Variants in CUX1 observed in about 807,000 individuals in gnomAD.
The protein encoded by CUX1 is protein CASP.
In CUX1, 31 loss-of-function variants were observed where a neutral mutation model predicts 158.8. That is an observed-to-expected ratio of 0.20 (90% confidence interval 0.15 to 0.26). The LOEUF is 0.26. Ranked by LOEUF, CUX1 falls within the 10% of genes least tolerant of loss-of-function variation. CUX1 has a pLI of 1.00. For missense variants in CUX1, 1,589 were observed against 2,014.6 expected, an observed-to-expected ratio of 0.79 and a Z score of 4.04; for synonymous variants, 879 against 862.1, an observed-to-expected ratio of 1.02 and a Z score of -0.34.
chr7:102,186,587 AT>A (rs1793642369), intron 11 of CUX1, among the ~76,000 whole-genome samples: 1 of 122,230 alleles, frequency 8.2e-6, no homozygotes, highest in Admixed American at 8.0e-5. Context: ...GTATATATAT[AT>A]ATATATATTT....
intron 2 of CUX1, among the ~76,000 whole-genome samples, chr7:101,924,762 T>TG (rs1283229254): frequency 1.3e-5 from 2 of 150,650 alleles, no homozygotes; most frequent in African/African-American, 4.9e-5. Flanking sequence ...TTTGTAGAGA[T>TG]GGGGGTCTCA....
At chr7:102,280,229 T>C in intron 19 of CUX1, 1 of 695,928 alleles carries the variant, frequency 1.4e-6, no homozygotes, top group Non-Finnish European at 2.5e-6. Flanking sequence ...CTTCCCTGGC[T>C]CCCCTCCACC....
At chr7:101,854,976 C>T (rs1214245310) in intron 1 of CUX1, among the ~76,000 whole-genome samples, 1 of 152,212 alleles carries the variant, frequency 6.6e-6, no homozygotes, top group Admixed American at 6.5e-5. Context: ...CTCAAGTGAT[C>T]CTCCCACCTC....
At chr7:101,820,811 T>G (rs1792383907) in intron 1 of CUX1, among the ~76,000 whole-genome samples, 1 of 152,188 alleles carries the variant, frequency 6.6e-6, no homozygotes, top group South Asian at 2.1e-4. Context: ...ACTCAAGCAA[T>G]TCTGGTATCT....
At chr7:102,220,012 A>G (rs1420104511) in intron 20 of CUX1, among the ~76,000 whole-genome samples, 17 of 152,192 alleles carry the variant, frequency 1.1e-4, no homozygotes, top group Admixed American at 1.1e-3. Flanking sequence ...TGGTCATGCA[A>G]GGGTGTCTCA....
downstream of CUX1, among the ~76,000 whole-genome samples, chr7:102,259,777 G>A (rs1554543252): frequency 6.7e-6 from 1 of 149,932 alleles, no homozygotes; most frequent in Non-Finnish European, 1.5e-5. Flanking sequence ...GAGAAAGGAA[G>A]GAAGGAAAGG....
At chr7:102,078,996 A>G (rs189803727) in intron 4 of CUX1, among the ~76,000 whole-genome samples, 1 of 152,344 alleles carries the variant, frequency 6.6e-6, no homozygotes, top group Non-Finnish European at 1.5e-5. Context: ...CTCCAGGAGA[A>G]TAAAATAGCA....
intron 3 of CUX1, among the ~76,000 whole-genome samples, chr7:102,054,143 G>T (rs529347287): frequency 6.6e-6 from 1 of 152,044 alleles, no homozygotes; most frequent in Non-Finnish European, 1.5e-5. Context: ...CTTTAGAAGC[G>T]CAGAAGTTTT....
At chr7:101,822,708 C>G (rs1190557013) in intron 1 of CUX1, among the ~76,000 whole-genome samples, 1 of 152,150 alleles carries the variant, frequency 6.6e-6, no homozygotes, top group Non-Finnish European at 1.5e-5. Flanking sequence ...CGAGACCAGC[C>G]TGGCCAACAT....
chr7:102,204,470 G>A lies in CUX1; in HGVS notation c.2987G>A (p.Arg996Gln), dbSNP rs1554520537. 2 of 1,613,842 alleles carry A rather than the reference G, an allele frequency of 1.2e-6. No individual in the cohort carries two copies. The highest frequency in any genetic ancestry group is 1.7e-6 in the Non-Finnish European group (2 of 1,180,032). Residue 996 changes from arginine (R) to glutamine (Q), a missense_variant, in exon 19 of 24, where the codon CGA becomes CAA. This residue lies in a region of CUX1 where 29 missense variants were observed against 66.6 expected (regional missense o/e 0.44). Coordinates refer to ENST00000292535, the MANE Select transcript of CUX1 (RefSeq NM_181552.4). ...TGGAGCAAGCTGACGCAGAAAGGCCGAGAACCCTTCATCCGGATGCAGCTC... is the reference window on the plus strand; with the variant it reads ...TGGAGCAAGCTGACGCAGAAAGGCCAAGAACCCTTCATCCGGATGCAGCTC... ...KPWSKLTQKGREPFIRMQLWL... is the reference protein window; with the variant it reads ...KPWSKLTQKGQEPFIRMQLWL...
At chr7:101,973,303 C>T (rs377070733) in intron 2 of CUX1, among the ~76,000 whole-genome samples, 31 of 152,154 alleles carry the variant, frequency 2.0e-4, no homozygotes, top group East Asian at 1.9e-3. Flanking sequence ...TGGCTCTGAC[C>T]GCAGCTGGAC....
chr7:102,182,059 C>T (rs1793143559), intron 11 of CUX1, among the ~76,000 whole-genome samples: 1 of 152,208 alleles, frequency 6.6e-6, no homozygotes, highest in Admixed American at 6.5e-5. Context: ...TCCCCTCTTT[C>T]ATGTCTTACG....
At chr7:101,892,222 C>G (rs1351847529) in intron 1 of CUX1, among the ~76,000 whole-genome samples, 1 of 152,192 alleles carries the variant, frequency 6.6e-6, no homozygotes, top group East Asian at 1.9e-4. Flanking sequence ...TCTTTCAATG[C>G]TAGGTTTAGT....
chr7:102,104,785 C>T (rs549876904), intron 6 of CUX1, among the ~76,000 whole-genome samples: 2 of 152,192 alleles, frequency 1.3e-5, no homozygotes, highest in African/African-American at 4.8e-5. Flanking sequence ...ATCCCAGCTA[C>T]TTAGGCTGAG....
intron 3 of CUX1, among the ~76,000 whole-genome samples, chr7:102,058,572 C>T (rs1288288153): frequency 3.3e-5 from 5 of 152,060 alleles, no homozygotes; most frequent in African/African-American, 7.2e-5. Context: ...TGTGAGCCAC[C>T]GTACCTGGTC....
chr7:102,168,948 TTGAGATGTGG>T (rs1791413636), intron 9 of CUX1, among the ~76,000 whole-genome samples: 21 of 141,136 alleles, frequency 1.5e-4, no homozygotes, highest in African/African-American at 2.8e-4. Flanking sequence ...CTTTTTTTTT[TTGAGATGTGG>T]TTTTGCTCTT....
chr7:101,962,604 G>A (rs1208438413), intron 2 of CUX1, among the ~76,000 whole-genome samples: 1 of 152,178 alleles, frequency 6.6e-6, no homozygotes, highest in East Asian at 1.9e-4. Context: ...TGATAGAAGC[G>A]AGCTGAAGAC....
intron 1 of CUX1, among the ~76,000 whole-genome samples, chr7:101,865,921 G>A (rs572627730): frequency 1.1e-4 from 17 of 152,274 alleles, no homozygotes; most frequent in Non-Finnish European, 2.2e-4. Flanking sequence ...CGACCTTGAC[G>A]TCGACCAAAA....
intron 18 of CUX1, among the ~76,000 whole-genome samples, chr7:102,279,316 G>A (rs1362757578): frequency 3.3e-5 from 5 of 152,194 alleles, no homozygotes; most frequent in African/African-American, 4.8e-5. Context: ...ACTCCAGCCT[G>A]GGCGACAGAG....
Sources: gnomAD v4.1 joint callset for allele counts (sites outside exome capture counted in the v4.1 genomes callset) on GRCh38, gnomAD v4.1.1 for gene constraint, gnomAD v4.1.1 regional missense constraint, MANE v1.5 for transcripts, NCBI Gene and HGNC (gene_info 2026-07-23, HGNC 2026-07-21) for gene names.